LIG1: variants seen among roughly 807,000 people sequenced by gnomAD.
LIG1 encodes the protein ligase I, DNA, ATP-dependent.
Under a neutral mutation model 115.7 loss-of-function variants are expected in LIG1, and 70 were observed. The ratio of observed to expected loss-of-function variants is 0.60; its 90% CI spans 0.50 to 0.74. LIG1 has a LOEUF of 0.74. LIG1 is among the 30% of genes least tolerant of loss of function. LIG1 has a pLI of 0.00. For missense variants in LIG1, 1,115 were observed against 1,225.6 expected (o/e 0.91, Z 1.35); for synonymous variants, 487 against 495.3 (o/e 0.98, Z 0.22).
rs1459891306 is a variant in LIG1 at position 48,115,908 on chromosome 19, C to T, written c.2641G>A (p.Asp881Asn). Residue 881 changes from aspartate to asparagine, a missense_variant, in exon 27 of 28, where the codon GAC becomes AAC. Transcript: ENST00000263274. ...GTGGTGGCCTGCTCCGGCTGCTTGT[C>T]TTCACGGACTCGAATAAACCGAGGG... is the stretch of plus-strand genomic sequence containing the variant. Reference protein sequence around the residue: ...RFPRFIRVREDKQPEQATTSA... With the variant: ...RFPRFIRVRENKQPEQATTSA... The T allele has an allele frequency of 1.2e-6, 2 of 1,614,050 alleles. No homozygotes were observed. The highest frequency in any genetic ancestry group is 3.3e-5 in the Admixed American group (2 of 60,022).
chr19:48,137,468 G>A lies in LIG1; in HGVS notation c.1254+54C>T. 6.2e-7 allele frequency: 1 copy of A among 1,600,630 alleles called. No homozygotes were observed. The highest frequency in any genetic ancestry group is 8.5e-7 in the Non-Finnish European group (1 of 1,177,886). ...CAGAAGCCTTCCTGACACACGCGTG[G>A]CCTCAGGTCCCCAAGATGTCTGGGG... On this transcript the variant is annotated intron_variant, in intron 13 of 27. Coordinates refer to ENST00000263274, the MANE Select transcript of LIG1 (RefSeq NM_000234.3). The surrounding 1 kb of genome is among the most constrained non-coding windows in gnomAD (Gnocchi z 4.3).
Position 48,135,670 on chromosome 19 carries a change from C to T in LIG1, c.1523+10G>A. On this transcript the variant is annotated intron_variant, in intron 16 of 27. Transcript: ENST00000263274. ...GCCCCTGGCAACTCCACCCACTGCCCAGCTCTCACCAGAACGTCTGCTTCA... is the reference window on the plus strand; with the variant it reads ...GCCCCTGGCAACTCCACCCACTGCCTAGCTCTCACCAGAACGTCTGCTTCA... The T allele has an allele frequency of 6.2e-7, 1 of 1,611,662 alleles. No homozygotes were observed. The highest frequency in any genetic ancestry group is 1.1e-5 in the South Asian group (1 of 91,032).
Position 48,139,853 on chromosome 19 carries a change from C to T in LIG1, c.1087+118G>A, listed in dbSNP as rs373322582. ...CCATCAGGCTCTCCTCCCTCTCAGC[C>T]TTCTCCTCAACCCTGTTTCACAGCC... On this transcript the variant is annotated intron_variant, in intron 12 of 27. Coordinates refer to ENST00000263274, the MANE Select transcript of LIG1 (RefSeq NM_000234.3). 3.2e-5 allele frequency: 39 copies of T among 1,222,544 alleles called. No homozygotes were observed. In the East Asian group the frequency reaches 3.3e-4, roughly 10 times the overall value. 75.7% of individuals were successfully genotyped at this position (1,222,544 alleles called of 1,614,324 possible).
rs1312961224 is a variant in LIG1 at position 48,121,332 on chromosome 19, G to C, written c.2233-10C>G. On this transcript the variant is annotated splice_polypyrimidine_tract_variant and intron_variant, in intron 23 of 27. Coordinates refer to ENST00000263274, the MANE Select transcript of LIG1 (RefSeq NM_000234.3). ...GGTAGTCCTTCTTCAGCTGGGAGAA[G>C]GGGAGGCAAGAGATGAGAAGGGGGA... The C allele has an allele frequency of 1.9e-6, 3 of 1,591,924 alleles. No individual in the cohort carries two copies.
At chr19:48,128,252 A>G (rs1277545787) in intron 19 of LIG1, among the ~76,000 whole-genome samples, 1 of 151,820 alleles carries the variant, frequency 6.6e-6, no homozygotes, top group African/African-American at 2.4e-5. Context: ...AGCTCTTGTC[A>G]TCTCCCTCCT....
Position 48,162,119 on chromosome 19 carries a change from C to T in LIG1, c.107+143G>A, listed in dbSNP as rs1360040306. The T allele has an allele frequency of 3.4e-5, 25 of 744,908 alleles. No individual in the cohort carries two copies. In the East Asian group the frequency reaches 6.0e-4, roughly 18 times the overall value. 46.1% of individuals were successfully genotyped at this position (744,908 alleles called of 1,614,324 possible). On this transcript the variant is annotated intron_variant, in intron 3 of 27. Transcript: ENST00000263274. ...CTGGATCCAGCTGTGCCTGCAGCTG[C>T]TCTTGCTCTTGGACTTCTGGCCACC...
At chr19:48,127,469 T>A in intron 20 of LIG1, 121 bp from the exon 21 acceptor site, 4 of 903,864 alleles carry the variant, frequency 4.4e-6, no homozygotes, top group Non-Finnish European at 7.2e-6. Flanking sequence ...TGCCCATCTG[T>A]GAGGGCGGCC....
rs1239820195 is a variant in LIG1 at position 48,137,653 on chromosome 19, C to T, written c.1123G>A (p.Glu375Lys). The T allele has an allele frequency of 3.1e-6, 5 of 1,608,162 alleles. No homozygotes were observed. The highest frequency in any genetic ancestry group is 3.4e-6 in the Non-Finnish European group (4 of 1,179,576). ...GCCACCAGCCCCACGTCGCCTTTCT[C>T]GGCTGCCTCAGCCCGGACGGACTCC... ...QLESVRAEAA[E>K]KGDVGLVAEN... Residue 375 changes from glutamate (E) to lysine (K), a missense_variant, in exon 13 of 28, where the codon GAG becomes AAG. Glu to Lys is a moderately conservative substitution (Grantham distance 56, BLOSUM62 1). Coordinates refer to ENST00000263274, the MANE Select transcript of LIG1 (RefSeq NM_000234.3). The surrounding 1 kb of genome is among the most constrained non-coding windows in gnomAD (Gnocchi z 4.3).
intron 2 of LIG1, among the ~76,000 whole-genome samples, chr19:48,165,130 G>A (rs1343907685): frequency 6.6e-6 from 1 of 152,264 alleles, no homozygotes; most frequent in East Asian, 1.9e-4. Context: ...GTGGTGGCAC[G>A]TGCCTATAAT....
intron 18 of LIG1, among the ~76,000 whole-genome samples, chr19:48,132,683 T>A (rs2034105609): frequency 6.8e-6 from 1 of 146,600 alleles, no homozygotes. Context: ...CCCAGCTACT[T>A]GGGAGGCTGA....
chr19:48,138,303 T>C (rs1456480624), intron 12 of LIG1, among the ~76,000 whole-genome samples: 2 of 152,154 alleles, frequency 1.3e-5, no homozygotes, highest in Non-Finnish European at 2.9e-5. Flanking sequence ...GTCACCTCTT[T>C]TCTGGTCTGA....
chr19:48,128,311 C>T (rs904433850), intron 19 of LIG1, among the ~76,000 whole-genome samples: 2 of 152,150 alleles, frequency 1.3e-5, no homozygotes, highest in Non-Finnish European at 2.9e-5. Flanking sequence ...TTTCCTAAGC[C>T]GTCCACTTCC....
At chr19:48,130,283 T>C (rs1368890032) in intron 19 of LIG1, among the ~76,000 whole-genome samples, 1 of 152,258 alleles carries the variant, frequency 6.6e-6, no homozygotes, top group Non-Finnish European at 1.5e-5. Flanking sequence ...TCTCTGTCAC[T>C]GTCTCTAACA....
intron 16 of LIG1, 115 bp downstream of exon 16, chr19:48,135,565 C>T: frequency 1.2e-6 from 1 of 849,156 alleles, no homozygotes; most frequent in Non-Finnish European, 2.0e-6. Flanking sequence ...GTGACCGGCA[C>T]TCGTGATGCC....
At chr19:48,170,007 GTC>G (rs2036719622) in intron 1 of LIG1, 2 of 313,058 alleles carry the variant, frequency 6.4e-6, no homozygotes, top group Admixed American at 9.4e-5. Context: ...CTGTCCAACT[GTC>G]TCTGTCTCTC....
intron 5 of LIG1, among the ~76,000 whole-genome samples, chr19:48,155,571 C>T (rs1256267244): frequency 6.6e-6 from 1 of 152,152 alleles, no homozygotes; most frequent in African/African-American, 2.4e-5. Context: ...CCAGCATCGT[C>T]CGATGGAAAG....
intron 9 of LIG1, among the ~76,000 whole-genome samples, chr19:48,146,421 T>G (rs532402037): frequency 1.3e-5 from 2 of 152,110 alleles, no homozygotes; most frequent in South Asian, 2.1e-4. Context: ...TTTGATGTCA[T>G]GCCTCTACAA....
chr19:48,167,825 TAAAAAAAAAA>T (rs776208781), intron 1 of LIG1, among the ~76,000 whole-genome samples: 1 of 113,728 alleles, frequency 8.8e-6, no homozygotes, highest in Non-Finnish European at 1.9e-5. Flanking sequence ...GACCCCGTCT[TAAAAAAAAAA>T]AAAAAAAAAA....
Position 48,151,275 on chromosome 19 carries a change from GTCTTC to G in LIG1, c.526_530del (p.Glu176ArgfsTer27). On this transcript the variant is annotated frameshift_variant, in exon 7 of 28. Transcript: ENST00000263274. LOFTEE classifies it high-confidence loss of function. Reference sequence around the variant, plus strand: ...TGGGAGGCGTGGTGGGCTGGTCCCCGTCTTCTCCTTCCTTCTCTGTGGCCACTTCA... The same window carrying G: ...TGGGAGGCGTGGTGGGCTGGTCCCCGTCCTTCCTTCTCTGTGGCCACTTCA... 1 of 1,613,700 alleles carries G rather than the reference GTCTTC, an allele frequency of 6.2e-7. No individual in the cohort carries two copies. The highest frequency in any genetic ancestry group is 8.5e-7 in the Non-Finnish European group (1 of 1,179,716).
Sources: gnomAD v4.1 joint callset for allele counts (sites outside exome capture counted in the v4.1 genomes callset) on GRCh38, gnomAD v4.1.1 for gene constraint, Gnocchi (gnomAD v3.1) non-coding constraint, MANE v1.5 for transcripts, NCBI Gene and HGNC (gene_info 2026-07-23, HGNC 2026-07-21) for gene names.